MKNK1: variants seen among roughly 807,000 people sequenced by gnomAD.
MKNK1 encodes the protein MAP kinase-interacting serine/threonine-protein kinase 1.
MKNK1 carries 30 observed loss-of-function variants against 49.3 expected under a neutral mutation model. The ratio of observed to expected loss-of-function variants is 0.61; its 90% CI spans 0.46 to 0.83. The LOEUF (loss-of-function observed/expected upper bound fraction) is 0.83, where lower values mean the gene tolerates loss of function less well. MKNK1 is among the 40% of genes least tolerant of loss of function. The pLI, the probability that MKNK1 is intolerant of heterozygous loss-of-function variation, is 0.00. For missense variants in MKNK1, 423 were observed against 524.7 expected (o/e 0.81, Z 1.89); for synonymous variants, 176 against 201.7 (o/e 0.87, Z 1.08).
At chr1:46,593,768 A>C (rs1389144069) in intron 2 of MKNK1, 1 of 162,184 alleles carries the variant, frequency 6.2e-6, no homozygotes, top group African/African-American at 2.4e-5. Flanking sequence ...AGGCAGGAGA[A>C]TCGCTTGAAC....
chr1:46,592,836 T>C (rs1673523316), intron 2 of MKNK1, among the ~76,000 whole-genome samples: 1 of 152,190 alleles, frequency 6.6e-6, no homozygotes, highest in Non-Finnish European at 1.5e-5. Flanking sequence ...GGGCCTCATA[T>C]ACTTATGATT....
At chr1:46,560,166 G>A in intron 12 of MKNK1, 68 bp downstream of exon 12, 13 of 1,568,164 alleles carry the variant, frequency 8.3e-6, no homozygotes, top group South Asian at 2.2e-5. Context: ...GGGCTCCCCC[G>A]GCCCCCACCC....
chr1:46,586,689 C>T (rs1672622978), intron 2 of MKNK1, among the ~76,000 whole-genome samples: 1 of 152,144 alleles, frequency 6.6e-6, no homozygotes, highest in South Asian at 2.1e-4. Flanking sequence ...TACAACTTTG[C>T]CCTGTAGACA....
chr1:46,560,387 G>A, intron 11 of MKNK1, 110 bp from the exon 12 acceptor site: 1 of 1,166,094 alleles, frequency 8.6e-7, no homozygotes, highest in Admixed American at 1.8e-5. Flanking sequence ...GCGCAGCACA[G>A]GGAAATGGCT....
intron 2 of MKNK1, among the ~76,000 whole-genome samples, chr1:46,585,285 A>C (rs1420781314): frequency 1.4e-5 from 1 of 72,374 alleles, no homozygotes; most frequent in Non-Finnish European, 2.8e-5. Context: ...AAAAAAAAAA[A>C]AAAAAAAAAA....
At chr1:46,586,773 G>A (rs1041903218) in intron 2 of MKNK1, among the ~76,000 whole-genome samples, 2 of 152,080 alleles carry the variant, frequency 1.3e-5, no homozygotes, top group East Asian at 3.9e-4. Context: ...ACTCCCTTTC[G>A]AAAAAGGGTC....
chr1:46,561,316 C>T (rs960498447), intron 11 of MKNK1, among the ~76,000 whole-genome samples, 162 bp downstream of exon 11: 2 of 152,182 alleles, frequency 1.3e-5, no homozygotes, highest in East Asian at 3.9e-4. Context: ...TCTGGGGTAA[C>T]AGGAGGAGTC....
chr1:46,594,098 T>TAC lies in MKNK1; in HGVS notation c.-3+13_-3+14dup. The TAC allele has an allele frequency of 3.2e-6, 5 of 1,582,640 alleles. No individual in the cohort carries two copies. The highest frequency in any genetic ancestry group is 4.3e-6 in the Non-Finnish European group (5 of 1,152,204). The stretch of plus-strand genomic sequence containing the variant: ...GTAATCTAAAAGGATAACTAAAATG[T>TAC]ACACCCAATCTTACCTATAGGTTTT... On this transcript the variant is annotated intron_variant, in intron 2 of 12. Transcript: ENST00000371945.
chr1:46,587,079 G>C (rs1672679633), intron 2 of MKNK1, among the ~76,000 whole-genome samples: 1 of 152,176 alleles, frequency 6.6e-6, no homozygotes, highest in Non-Finnish European at 1.5e-5. Flanking sequence ...CAAAGTGCTG[G>C]GATTACAGAC....
intron 8 of MKNK1, 55 bp downstream of exon 8, chr1:46,568,388 G>A: frequency 6.4e-7 from 1 of 1,559,658 alleles, no homozygotes; most frequent in African/African-American, 1.4e-5. Context: ...CTGAAAGCAA[G>A]GGTGGCTTCC....
chr1:46,595,285 A>C (rs916072284), intron 1 of MKNK1, among the ~76,000 whole-genome samples: 7 of 147,882 alleles, frequency 4.7e-5, no homozygotes, highest in Non-Finnish European at 9.0e-5. Flanking sequence ...TCGGTGGAAA[A>C]GCCCTGAAAA....
chr1:46,564,335 G>A (rs917296068), intron 9 of MKNK1, among the ~76,000 whole-genome samples: 6 of 151,964 alleles, frequency 3.9e-5, no homozygotes, highest in South Asian at 2.1e-4. Flanking sequence ...AGGGGGCTGC[G>A]CTGTGCCTTC....
intron 3 of MKNK1, among the ~76,000 whole-genome samples, chr1:46,581,668 A>C (rs1233313293): frequency 1.3e-5 from 2 of 152,122 alleles, no homozygotes; most frequent in Non-Finnish European, 2.9e-5. Context: ...AAGGAGAATA[A>C]AACACTGTTC....
In MKNK1 at chr1:46,576,597, G is replaced by C. The variant is rs765355067; in HGVS notation, c.256C>G (p.Leu86Val). The change falls in exon 5 of 13, where the codon CTG becomes GTG. Residue 86 changes from leucine to valine, a missense_variant. By Grantham distance (32) the Leu-to-Val change is conservative (BLOSUM62 1). Transcript: ENST00000371945. ...RSRVFREVET[L>V]YQCQGNKNIL... ...CACTTGTTTCCCTGACACTGATACAGCGTCTCCACCTCTCGAAACACCCTA... is the reference window on the plus strand; with the variant it reads ...CACTTGTTTCCCTGACACTGATACACCGTCTCCACCTCTCGAAACACCCTA... 2.4e-5 allele frequency: 38 copies of C among 1,613,874 alleles called. No homozygotes were observed. Among genetic ancestry groups the C allele is most frequent in the Non-Finnish European group, 1.2e-5 (14 of 1,179,900 alleles).
At chr1:46,598,257 T>C (rs1215775198) in intron 1 of MKNK1, among the ~76,000 whole-genome samples, 3 of 152,208 alleles carry the variant, frequency 2.0e-5, no homozygotes, top group Non-Finnish European at 2.9e-5. Flanking sequence ...TGTTGAAGGC[T>C]GTGAAAAAAG....
chr1:46,564,066 G>A (rs868516918), intron 9 of MKNK1, among the ~76,000 whole-genome samples: 1,889 of 58,676 alleles, frequency 0.032, 77 homozygotes, highest in African/African-American at 0.091. Flanking sequence ...AAAAAAAAAA[G>A]GGTTATTAGG....
intron 2 of MKNK1, among the ~76,000 whole-genome samples, chr1:46,587,943 C>T (rs781037131): frequency 2.0e-5 from 3 of 152,156 alleles, no homozygotes; most frequent in African/African-American, 4.8e-5. Context: ...GACAGAAATA[C>T]GTAAAACTGC....
At chr1:46,581,508 CAAAAAAAAAAAAAAA>C (rs36099600) in intron 3 of MKNK1, among the ~76,000 whole-genome samples, 1 of 41,650 alleles carries the variant, frequency 2.4e-5, no homozygotes, top group East Asian at 8.1e-4. Context: ...GACCCCATAT[CAAAAAAAAAAAAAAA>C]AAAAAAAAAA....
intron 3 of MKNK1, 97 bp from the exon 4 acceptor site, chr1:46,580,724 G>A (rs1234638038): frequency 6.3e-6 from 5 of 798,856 alleles, no homozygotes; most frequent in Admixed American, 4.0e-5. Flanking sequence ...CTGATCAGAC[G>A]ACACAGGCAC....
Sources: gnomAD v4.1 joint callset for allele counts (sites outside exome capture counted in the v4.1 genomes callset) on GRCh38, gnomAD v4.1.1 for gene constraint, MANE v1.5 for transcripts, NCBI Gene and HGNC (gene_info 2026-07-23, HGNC 2026-07-21) for gene names.